The following CD2AP variants were observed in gnomAD, a reference collection of about 807,000 sequenced individuals.
The protein encoded by CD2AP is CD2-associated protein.
Under a neutral mutation model 85.1 loss-of-function variants are expected in CD2AP, and 46 were observed. That is an observed-to-expected ratio of 0.54 (90% CI 0.43 to 0.69). The LOEUF (loss-of-function observed/expected upper bound fraction) is 0.69. CD2AP is among the 30% of genes least tolerant of loss of function. The pLI is 0.00. For missense variants in CD2AP, 769 were observed against 729.5 expected (o/e 1.05, Z -0.62); for synonymous variants, 255 against 252.9 (o/e 1.01, Z -0.08).
chr6:47,512,083 G>A (rs543090211), intron 2 of CD2AP, among the ~76,000 whole-genome samples: 43 of 152,250 alleles, frequency 2.8e-4, no homozygotes, highest in Admixed American at 1.3e-3. Context: ...GTGTGAAGCC[G>A]GGAGGCGGAG....
chr6:47,561,004 C>T (rs1272801126), intron 5 of CD2AP, among the ~76,000 whole-genome samples: 1 of 152,066 alleles, frequency 6.6e-6, no homozygotes, highest in Non-Finnish European at 1.5e-5. Flanking sequence ...TCAGTGTGGG[C>T]TCATCAGAGG....
At chr6:47,603,102 G>C (rs959120114) in intron 13 of CD2AP, among the ~76,000 whole-genome samples, 4 of 151,828 alleles carry the variant, frequency 2.6e-5, no homozygotes, top group Middle Eastern at 3.2e-3. Flanking sequence ...GGTACCTGTT[G>C]AGTAGCATAT....
chr6:47,501,331 G>C (rs542456677), intron 1 of CD2AP, among the ~76,000 whole-genome samples: 1 of 152,212 alleles, frequency 6.6e-6, no homozygotes, highest in Non-Finnish European at 1.5e-5. Context: ...TAGACTATCT[G>C]TAGACCTTTG....
chr6:47,503,228 C>T (rs1028005495), intron 1 of CD2AP, 52 bp from the exon 2 acceptor site: 1 of 1,481,952 alleles, frequency 6.7e-7, no homozygotes, highest in African/African-American at 1.4e-5. Context: ...ATATAGTTTA[C>T]AGTATTTTGT....
chr6:47,609,996 A>G (rs1328820746), intron 16 of CD2AP, among the ~76,000 whole-genome samples: 4 of 152,204 alleles, frequency 2.6e-5, no homozygotes, highest in African/African-American at 9.6e-5. Context: ...GACATTTATA[A>G]AATGAATGTG....
At chr6:47,587,783 TTTATC>T (rs1768670361) in intron 11 of CD2AP, among the ~76,000 whole-genome samples, 1 of 152,060 alleles carries the variant, frequency 6.6e-6, no homozygotes, top group East Asian at 1.9e-4. Flanking sequence ...AATGGTAACT[TTTATC>T]TTATGTCCTC....
At chr6:47,587,525 G>A (rs1241956357) in intron 11 of CD2AP, among the ~76,000 whole-genome samples, 1 of 152,104 alleles carries the variant, frequency 6.6e-6, no homozygotes, top group Non-Finnish European at 1.5e-5. Context: ...TTTCCCAGAA[G>A]TACCTAAAAT....
chr6:47,584,253 T>C (rs960488312), intron 11 of CD2AP, among the ~76,000 whole-genome samples: 2 of 152,238 alleles, frequency 1.3e-5, no homozygotes, highest in African/African-American at 4.8e-5. Context: ...CTTTTATGGA[T>C]CATGGCTTTG....
At chr6:47,569,811 C>G (rs1237616709) in intron 5 of CD2AP, among the ~76,000 whole-genome samples, 1 of 152,138 alleles carries the variant, frequency 6.6e-6, no homozygotes, top group African/African-American at 2.4e-5. Context: ...AGGTATTATA[C>G]AGTTTACCTT....
chr6:47,591,563 T>A (rs898531422), intron 11 of CD2AP, among the ~76,000 whole-genome samples: 11 of 152,180 alleles, frequency 7.2e-5, no homozygotes, highest in South Asian at 4.1e-4. Flanking sequence ...TTGATTTTTT[T>A]AAATTAGAAT....
intron 5 of CD2AP, chr6:47,562,716 C>T (rs1286015902): frequency 1.2e-5 from 9 of 732,406 alleles, no homozygotes; most frequent in Non-Finnish European, 2.2e-5. Flanking sequence ...AGTAGCCTAG[C>T]AGTGAAATTT....
Position 47,626,237 on chromosome 6 carries a change from A to AG in CD2AP, c.*2011dup, listed in dbSNP as rs1769902974. The AG allele has an allele frequency of 6.6e-6, 1 of 151,946 alleles. No homozygotes were observed. The highest frequency in any genetic ancestry group is 2.4e-5 in the African/African-American group (1 of 41,436). 9.4% of individuals were successfully genotyped at this position (151,946 alleles called of 1,614,324 possible). On this transcript the variant is annotated 3_prime_UTR_variant, in exon 18 of 18. Transcript: ENST00000359314. ...TAAAGTTTTTGCTTGTGTCCTCCTC[A>AG]GTCAGAATAGAAAAGTAACTGAAAT...
At chr6:47,553,513 A>ATTT (rs148273065) in intron 4 of CD2AP, among the ~76,000 whole-genome samples, 22 of 110,366 alleles carry the variant, frequency 2.0e-4, no homozygotes, top group South Asian at 5.9e-4. Context: ...CACCTAGTGA[A>ATTT]TTTTTTTTTT....
At chr6:47,544,757 G>A (rs1285323720) in intron 4 of CD2AP, 51 bp downstream of exon 4, 2 of 1,071,482 alleles carry the variant, frequency 1.9e-6, no homozygotes, top group Admixed American at 1.7e-5. Context: ...TTGATGCTAT[G>A]GATTTTAGAA....
intron 6 of CD2AP, 142 bp downstream of exon 6, chr6:47,574,393 G>A: frequency 1.4e-6 from 1 of 706,100 alleles, no homozygotes; most frequent in African/African-American, 1.8e-5. Flanking sequence ...GAGGCTGTGA[G>A]AAATTTTGTC....
chr6:47,489,204 G>A (rs1187962567), intron 1 of CD2AP: 1 of 121,478 alleles, frequency 8.2e-6, no homozygotes, highest in Non-Finnish European at 1.6e-5. Context: ...TCTCGCTCTT[G>A]TCCCCCAGGC....
chr6:47,573,604 T>G (rs1768216214), intron 5 of CD2AP, among the ~76,000 whole-genome samples: 1 of 150,034 alleles, frequency 6.7e-6, no homozygotes, highest in Non-Finnish European at 1.5e-5. Context: ...TTCTCCTGCC[T>G]TAGCCTCCCG....
intron 4 of CD2AP, among the ~76,000 whole-genome samples, chr6:47,546,543 A>G (rs901187): frequency 0.87 from 132,996 of 152,056 alleles, 58,474 homozygotes; most frequent in Non-Finnish European, 0.92. Flanking sequence ...TGGGCACATT[A>G]TCATCACGTT....
intron 10 of CD2AP, 132 bp from the exon 11 acceptor site, chr6:47,581,871 A>C: frequency 1.5e-6 from 1 of 660,142 alleles, no homozygotes. Flanking sequence ...TAATTCCGGT[A>C]CATTGTTCTT....
Sources: allele counts gnomAD v4.1 joint callset (sites outside exome capture counted in the v4.1 genomes callset), GRCh38; gene constraint gnomAD v4.1.1; transcripts MANE v1.5; gene names NCBI Gene and HGNC (gene_info 2026-07-23, HGNC 2026-07-21).